Variants in PRPSAP2 observed in about 807,000 individuals in gnomAD.
PRPSAP2 encodes phosphoribosyl pyrophosphate synthetase associated protein 2.
In PRPSAP2, 24 loss-of-function variants were observed where a neutral mutation model predicts 40.6. The ratio of observed to expected loss-of-function variants is 0.59; its 90% confidence interval spans 0.43 to 0.83. The LOEUF is 0.83. PRPSAP2 is among the 40% of genes least tolerant of loss of function. The pLI is 0.00. For missense variants in PRPSAP2, 292 were observed against 465.6 expected (o/e 0.63, Z 3.43); for synonymous variants, 149 against 164.7 (o/e 0.90, Z 0.73).
chr17:18,929,358 A>AAATAATAAT (rs60559123), intron 11 of PRPSAP2, among the ~76,000 whole-genome samples: 19,414 of 144,630 alleles, frequency 0.13, 1,407 homozygotes, highest in Middle Eastern at 0.19. Context: ...CTCTTGTCTC[A>AAATAATAAT]AATAATAATA....
chr17:18,877,944 CAG>C, intron 6 of PRPSAP2, 74 bp downstream of exon 6: 2 of 1,450,546 alleles, frequency 1.4e-6, no homozygotes, highest in Middle Eastern at 2.6e-4. Context: ...TTTTTTAAGA[CAG>C]GGTCTTGCCC....
At chr17:18,900,165 G>A (rs1010008147) in intron 8 of PRPSAP2, among the ~76,000 whole-genome samples, 16 of 152,028 alleles carry the variant, frequency 1.1e-4, no homozygotes, top group African/African-American at 3.4e-4. Context: ...GATTACAGGC[G>A]TGAGCCACCG....
chr17:18,927,267 T>C (rs1483813871), intron 10 of PRPSAP2, among the ~76,000 whole-genome samples: 1 of 152,298 alleles, frequency 6.6e-6, no homozygotes, highest in Admixed American at 6.5e-5. Flanking sequence ...CACCCAACAC[T>C]GTTGCACTGG....
At chr17:18,860,997 G>A (rs1006613494) in intron 1 of PRPSAP2, among the ~76,000 whole-genome samples, 11 of 152,158 alleles carry the variant, frequency 7.2e-5, no homozygotes, top group Non-Finnish European at 1.2e-4. Context: ...AGCTCATGGG[G>A]AAAATAAGGG....
intron 3 of PRPSAP2, 27 bp downstream of exon 3, chr17:18,865,979 C>A (rs2037395434): frequency 7.4e-7 from 1 of 1,355,808 alleles, no homozygotes; most frequent in Non-Finnish European, 9.7e-7. Flanking sequence ...CCATTAAAAT[C>A]TATATTCATT....
At chr17:18,895,164 A>G (rs1035169317) in intron 8 of PRPSAP2, among the ~76,000 whole-genome samples, 28 of 150,586 alleles carry the variant, frequency 1.9e-4, no homozygotes, top group African/African-American at 6.1e-4. Flanking sequence ...AGCTCACTAC[A>G]GCCTTGAATT....
At chr17:18,906,812 G>T (rs2040618896) in intron 8 of PRPSAP2, among the ~76,000 whole-genome samples, 1 of 152,174 alleles carries the variant, frequency 6.6e-6, no homozygotes, top group African/African-American at 2.4e-5. Context: ...CTCCCAAAGT[G>T]CTGGGATTAC....
At chr17:18,898,885 GTGTTTGTTTGTT>G (rs55864350) in intron 8 of PRPSAP2, among the ~76,000 whole-genome samples, 483 of 150,850 alleles carry the variant, frequency 3.2e-3, no homozygotes, top group Middle Eastern at 0.024. Flanking sequence ...TAAATGTCAG[GTGTTTGTTTGTT>G]TGTTTGTTTG....
At chr17:18,888,994 GTAATGTTTGA>G (rs2039365600) in intron 7 of PRPSAP2, among the ~76,000 whole-genome samples, 1 of 152,156 alleles carries the variant, frequency 6.6e-6, no homozygotes, top group Non-Finnish European at 1.5e-5. Context: ...GCTGGGTTTG[GTAATGTTTGA>G]TGATGTTTGA....
intron 8 of PRPSAP2, among the ~76,000 whole-genome samples, chr17:18,890,758 A>G (rs9898426): frequency 0.53 from 80,457 of 152,018 alleles, 21,545 homozygotes; most frequent in Middle Eastern, 0.6. Context: ...AGACAACTTC[A>G]TAGTTGTTTA....
At chr17:18,901,877 G>T (rs1394473455) in intron 8 of PRPSAP2, among the ~76,000 whole-genome samples, 1 of 152,112 alleles carries the variant, frequency 6.6e-6, no homozygotes, top group Non-Finnish European at 1.5e-5. Flanking sequence ...CATCTCCTGG[G>T]CTCAAGAGAT....
intron 8 of PRPSAP2, among the ~76,000 whole-genome samples, chr17:18,900,372 A>G (rs576449271): frequency 1.2e-4 from 18 of 151,996 alleles, no homozygotes; most frequent in Non-Finnish European, 2.5e-4. Context: ...TTCTTTGTTT[A>G]GACTTCTTGT....
chr17:18,908,099 G>A (rs764923233), intron 8 of PRPSAP2, among the ~76,000 whole-genome samples: 14 of 152,176 alleles, frequency 9.2e-5, no homozygotes, highest in Non-Finnish European at 1.3e-4. Flanking sequence ...TCATGTGACC[G>A]CACTAGCCAA....
chr17:18,921,402 T>C (rs2041682364), intron 9 of PRPSAP2, among the ~76,000 whole-genome samples: 1 of 152,232 alleles, frequency 6.6e-6, no homozygotes, highest in Admixed American at 6.5e-5. Context: ...TCAAGTGTCC[T>C]GGGAGTAGGA....
In PRPSAP2 at chr17:18,911,079, C is replaced by A; in HGVS notation, c.585-24C>A. Reference sequence around the variant, plus strand: ...AACCAAGGGCTGCATGAGTTTTGAGCTTGTGTCTGGTGTTTTCCCTCAGGG... The same window carrying A: ...AACCAAGGGCTGCATGAGTTTTGAGATTGTGTCTGGTGTTTTCCCTCAGGG... On this transcript the variant is annotated intron_variant, in intron 8 of 11. Transcript: ENST00000268835. The surrounding 1 kb of genome is among the most constrained non-coding windows in gnomAD (Gnocchi z 4.5). 1 of 1,587,036 alleles carries A rather than the reference C, an allele frequency of 6.3e-7. No homozygotes were observed. Among genetic ancestry groups the A allele is most frequent in the Non-Finnish European group, 8.6e-7 (1 of 1,162,566 alleles).
chr17:18,868,040 G>A (rs975086741), intron 4 of PRPSAP2, among the ~76,000 whole-genome samples: 3 of 152,140 alleles, frequency 2.0e-5, no homozygotes, highest in African/African-American at 2.4e-5. Context: ...GGAGGCTGAG[G>A]TGGAAGGATC....
At position 18,882,510 on chromosome 17, in the gene PRPSAP2, TAAAAAA is replaced by T. The variant is rs879058218; in HGVS notation, c.413-51_413-46del. ...TGGGTGACAGAATGGGATCCCATCT[TAAAAAA>T]AAAAAACAAAAACAAAACTATTTAT... On this transcript the variant is annotated intron_variant, in intron 6 of 11. Transcript: ENST00000268835. 4 of 957,380 alleles carry T rather than the reference TAAAAAA, an allele frequency of 4.2e-6. No homozygotes were observed. The African/African-American group carries it at 5.2e-5, about 12-fold the overall frequency. 59.3% of individuals were successfully genotyped at this position (957,380 alleles called of 1,614,324 possible).
intron 6 of PRPSAP2, among the ~76,000 whole-genome samples, chr17:18,878,114 C>T (rs534744439): frequency 1.4e-4 from 22 of 152,288 alleles, no homozygotes; most frequent in African/African-American, 4.3e-4. Flanking sequence ...CTGGGTCTTA[C>T]TATGTTGTTC....
At chr17:18,920,220 G>A (rs144948475) in intron 9 of PRPSAP2, among the ~76,000 whole-genome samples, 7 of 152,182 alleles carry the variant, frequency 4.6e-5, no homozygotes, top group Non-Finnish European at 8.8e-5. Context: ...TGAGGAACGC[G>A]TTGGCAGTCT....
Sources: allele counts gnomAD v4.1 joint callset (sites outside exome capture counted in the v4.1 genomes callset), GRCh38; gene constraint gnomAD v4.1.1; non-coding constraint Gnocchi (gnomAD v3.1); transcripts MANE v1.5; gene names NCBI Gene and HGNC (gene_info 2026-07-23, HGNC 2026-07-21).